Variants in ATAT1 observed in about 807,000 individuals in gnomAD.
ATAT1 encodes the protein alpha tubulin acetyltransferase 1.
A neutral mutation model predicts 57.2 loss-of-function variants in ATAT1; 42 were observed. That is an observed-to-expected ratio of 0.73 (90% CI 0.57 to 0.95). The LOEUF (loss-of-function observed/expected upper bound fraction) is 0.95. ATAT1 is among the 40% of genes least tolerant of loss of function. The pLI is 0.00. For synonymous variants in ATAT1, 168 were observed against 187.1 expected (o/e 0.90, Z 0.83); for missense variants, 454 against 523.7 (o/e 0.87, Z 1.30).
At position 30,627,021 on chromosome 6, in the gene ATAT1, T is replaced by C; in HGVS notation, c.-183T>C. The C allele has an allele frequency of 6.4e-7, 1 of 1,561,536 alleles. No individual in the cohort carries two copies. The highest frequency in any genetic ancestry group is 2.4e-5 in the East Asian group (1 of 42,126). On this transcript the variant is annotated 5_prime_UTR_variant, in exon 1 of 13. Coordinates refer to ENST00000330083, the MANE Select transcript of ATAT1 (RefSeq NM_001031722.4). ...ACAGCTCAAACCCACCCTCTGGCCC[T>C]TTTCTCCCGGTTCCTCTCCAAACCT... is the stretch of plus-strand genomic sequence containing the variant.
chr6:30,646,360 C>T, intron 12 of ATAT1, 109 bp from the exon 13 acceptor site: 3 of 1,448,464 alleles, frequency 2.1e-6, no homozygotes, highest in Non-Finnish European at 2.7e-6. Flanking sequence ...CAGCTTCATA[C>T]CCATCATGTG....
intron 6 of ATAT1, among the ~76,000 whole-genome samples, chr6:30,630,147 T>C (rs1762541862): frequency 6.6e-6 from 1 of 152,056 alleles, no homozygotes; most frequent in Non-Finnish European, 1.5e-5. Context: ...CGAAACTCTG[T>C]CTCTACAAAA....
At chr6:30,644,461 G>GC (rs972779765) in intron 10 of ATAT1, 1 of 985,488 alleles carries the variant, frequency 1.0e-6, no homozygotes, top group African/African-American at 1.8e-5. Context: ...CCTGCTCCAT[G>GC]CCCAGAGTAT....
intron 6 of ATAT1, among the ~76,000 whole-genome samples, chr6:30,635,835 A>C (rs1230915160): frequency 6.6e-6 from 1 of 152,212 alleles, no homozygotes; most frequent in Admixed American, 6.5e-5. Context: ...AGCTAGGAAC[A>C]CAGCAAGAAT....
chr6:30,646,715 C>T lies in ATAT1; in HGVS notation c.*72C>T. 1 of 1,435,766 alleles carries T rather than the reference C, an allele frequency of 7.0e-7. No homozygotes were observed. Among genetic ancestry groups the T allele is most frequent in the Non-Finnish European group, 9.2e-7 (1 of 1,085,760 alleles). The allele number at this position is 1,435,766 out of a possible 1,614,324, so 88.9% of individuals were successfully genotyped here. ...CAGGAAAGAGCCAAAGCCCAACCCT[C>T]ATAATAGATGGATACATTCATTCAT... is the stretch of plus-strand genomic sequence containing the variant. On this transcript the variant is annotated 3_prime_UTR_variant, in exon 13 of 13. Transcript: ENST00000330083.
rs949985534 is a variant in ATAT1 at position 30,641,812 on chromosome 6, C to T, written c.617-364C>T. 201 of 1,061,166 alleles carry T rather than the reference C, an allele frequency of 1.9e-4. 2 individuals are homozygous for T. In the Middle Eastern group the frequency reaches 3.1e-3, roughly 17 times the overall value. The allele number at this position is 1,061,166 out of a possible 1,614,324, so 65.7% of individuals were successfully genotyped here. On this transcript the variant is annotated intron_variant, in intron 8 of 12. Transcript: ENST00000330083. ...GAGGAACCCAGGGTCCTCGTTGGCC[C>T]GGCTGGGACCATTCCACTGCCCCAG...
At chr6:30,630,284 G>A (rs1273720037) in intron 6 of ATAT1, among the ~76,000 whole-genome samples, 1 of 151,988 alleles carries the variant, frequency 6.6e-6, no homozygotes, top group African/African-American at 2.4e-5. Flanking sequence ...TCGCGCCACT[G>A]CATTATAGCC....
In ATAT1 at chr6:30,642,833, G is replaced by GGGGGCGCCCCCCCCCCCCCCCCCCCCCC; in HGVS notation, c.754_755insGGGGCGCCCCCCCCCCCCCCCCCCCCCC (p.Ala252GlyfsTer57). 6.5e-7 allele frequency: 1 copy of GGGGGCGCCCCCCCCCCCCCCCCCCCCCC among 1,537,878 alleles called. No homozygotes were observed. The highest frequency in any genetic ancestry group is 8.7e-7 in the Non-Finnish European group (1 of 1,145,784). ...GGCCCCTCGCCGCGCCACACCTCCA[G>GGGGGCGCCCCCCCCCCCCCCCCCCCCCC]CCCACCCACCCCCCCGCTCCAGCAG... is the stretch of plus-strand genomic sequence containing the variant. On this transcript the variant is annotated frameshift_variant, in exon 10 of 13. Coordinates refer to ENST00000330083, the MANE Select transcript of ATAT1 (RefSeq NM_001031722.4). LOFTEE classifies it high-confidence loss of function.
intron 1 of ATAT1, 115 bp from the exon 2 acceptor site, chr6:30,627,345 G>A (rs938500009): frequency 1.9e-6 from 3 of 1,610,074 alleles, no homozygotes; most frequent in Non-Finnish European, 2.5e-6. Context: ...GGCAAAGGCA[G>A]GGAGCCTTCA....
At chr6:30,644,253 T>C (rs1766170302) in intron 10 of ATAT1, 1 of 985,708 alleles carries the variant, frequency 1.0e-6, no homozygotes, top group African/African-American at 1.7e-5. Flanking sequence ...ATCCAGATTC[T>C]CTGAGGGAGG....
intron 9 of ATAT1, 147 bp downstream of exon 9, chr6:30,642,394 G>A (rs955378315): frequency 8.4e-7 from 1 of 1,188,398 alleles, no homozygotes. Context: ...TGTAATCCCA[G>A]CACTTTGAGA....
At chr6:30,635,499 C>T (rs1162911345) in intron 6 of ATAT1, among the ~76,000 whole-genome samples, 2 of 150,436 alleles carry the variant, frequency 1.3e-5, no homozygotes, top group Non-Finnish European at 2.9e-5. Flanking sequence ...TGAGGCAGGA[C>T]AATCACTTGA....
In ATAT1 at chr6:30,642,921, G is replaced by A. The variant is rs746108286; in HGVS notation, c.842G>A (p.Arg281His). 7.4e-6 allele frequency: 12 copies of A among 1,612,234 alleles called. No individual in the cohort carries two copies. The highest frequency in any genetic ancestry group is 2.2e-5 in the East Asian group (1 of 44,750). The change falls in exon 10 of 13, where the codon CGT becomes CAT. Residue 281 changes from arginine (R) to histidine (H), a missense_variant. By Grantham distance (29) the Arg-to-His change is conservative. This residue lies in a region of ATAT1 where 216 missense variants were observed against 222.2 expected (regional missense o/e 0.97). Coordinates refer to ENST00000330083, the MANE Select transcript of ATAT1 (RefSeq NM_001031722.4). ...TTTGTGCCAGAGCAGGAGCTGCTGC[G>A]TTCCTTGCGCCTCTGCCCCCCACAC...
intron 6 of ATAT1, among the ~76,000 whole-genome samples, chr6:30,629,244 CTT>C (rs111725584): frequency 1.2e-4 from 17 of 137,258 alleles, no homozygotes; most frequent in Admixed American, 2.2e-4. Context: ...CCTAATTTTT[CTT>C]TTTTTTTTTT....
chr6:30,646,642 G>C lies in ATAT1; in HGVS notation c.1229G>C (p.Ter410SerextTer?). The stretch of plus-strand genomic sequence containing the variant: ...GAACGTCGCAGCACCAGGCCTTGGT[G>C]ACCGCAGCCCCGTCAAACATCTTCA... Residue 410 changes from the stop codon to serine (S), a stop_lost, in exon 13 of 13, where the codon TGA becomes TCA. Coordinates refer to ENST00000330083, the MANE Select transcript of ATAT1 (RefSeq NM_001031722.4). 6.4e-7 allele frequency: 1 copy of C among 1,558,206 alleles called. No individual in the cohort carries two copies. The highest frequency in any genetic ancestry group is 1.2e-5 in the South Asian group (1 of 84,494).
intron 10 of ATAT1, chr6:30,643,511 C>T: frequency 6.4e-7 from 1 of 1,550,754 alleles, no homozygotes; most frequent in Non-Finnish European, 8.7e-7. Flanking sequence ...TCCTCCCATC[C>T]ATAACATCCT....
Position 30,640,567 on chromosome 6 carries a change from C to T in ATAT1, c.580C>T (p.His194Tyr). 6.2e-7 allele frequency: 1 copy of T among 1,613,028 alleles called. No individual in the cohort carries two copies. The highest frequency in any genetic ancestry group is 8.5e-7 in the Non-Finnish European group (1 of 1,180,030). ...TGCTCCCTCTCTGAGGGCAACTCGACACTCTCGTGCTGCTGCAGTCGATCC... is the reference window on the plus strand; with the variant it reads ...TGCTCCCTCTCTGAGGGCAACTCGATACTCTCGTGCTGCTGCAGTCGATCC... The change falls in exon 8 of 13, where the codon CAC becomes TAC. Residue 194 changes from histidine (H) to tyrosine (Y), a missense_variant. Transcript: ENST00000330083.
intron 6 of ATAT1, among the ~76,000 whole-genome samples, chr6:30,636,267 AT>A (rs1764048577): frequency 6.6e-6 from 1 of 152,214 alleles, no homozygotes; most frequent in Non-Finnish European, 1.5e-5. Context: ...AGGAACAGGC[AT>A]GAGCAAAGGC....
chr6:30,628,142 G>T lies in ATAT1; in HGVS notation c.396G>T (p.Leu132Phe). Residue 132 changes from leucine to phenylalanine, a missense_variant, in exon 5 of 13, where the codon TTG becomes TTT. By Grantham distance (22) the Leu-to-Phe change is conservative (BLOSUM62 0). Coordinates refer to ENST00000330083, the MANE Select transcript of ATAT1 (RefSeq NM_001031722.4). ...GGCGAGAACTCTTCCAGTATATGTT[G>T]CAGGTATCACTGACCTCTTCACTGG... 1 of 1,612,170 alleles carries T rather than the reference G, an allele frequency of 6.2e-7. No homozygotes were observed. The highest frequency in any genetic ancestry group is 8.5e-7 in the Non-Finnish European group (1 of 1,179,392).
Sources: gnomAD v4.1 joint callset for allele counts (sites outside exome capture counted in the v4.1 genomes callset) on GRCh38, gnomAD v4.1.1 for gene constraint, gnomAD v4.1.1 regional missense constraint, MANE v1.5 for transcripts, NCBI Gene and HGNC (gene_info 2026-07-23, HGNC 2026-07-21) for gene names.